Variants in CDH1 observed in about 807,000 individuals in gnomAD.
CDH1 encodes cadherin-1.
In CDH1, 35 loss-of-function variants were observed where a neutral mutation model predicts 84.5. The observed-to-expected ratio is 0.41, with a 90% CI of 0.32 to 0.55. The LOEUF is 0.55. Among genes scored for constraint, CDH1 ranks in the 20% least tolerant of loss-of-function variants. CDH1 has a pLI of 0.19. For missense variants in CDH1, 994 were observed against 1,126.6 expected, an observed-to-expected ratio of 0.88 and a Z score of 1.68; for synonymous variants, 417 against 439.0, an observed-to-expected ratio of 0.95 and a Z score of 0.63.
intron 2 of CDH1, among the ~76,000 whole-genome samples, chr16:68,743,002 G>C (rs1251321794): frequency 2.2e-4 from 34 of 152,182 alleles, no homozygotes; most frequent in Non-Finnish European, 1.5e-5. Flanking sequence ...GAAAGTCTTG[G>C]GCCCGGCAAG....
At chr16:68,823,184 C>T (rs867954401) in intron 12 of CDH1, 2 of 544,470 alleles carry the variant, frequency 3.7e-6, no homozygotes, top group Non-Finnish European at 6.5e-6. Context: ...TTTAAACCAA[C>T]TCTAGAGCCC....
intron 2 of CDH1, among the ~76,000 whole-genome samples, chr16:68,784,212 T>C (rs1959974364): frequency 6.7e-6 from 1 of 148,656 alleles, no homozygotes; most frequent in Non-Finnish European, 1.5e-5. Context: ...GATCAGAATG[T>C]TCTCTTAAAA....
chr16:68,766,619 T>C (rs1959396969), intron 2 of CDH1, among the ~76,000 whole-genome samples: 1 of 152,258 alleles, frequency 6.6e-6, no homozygotes, highest in Non-Finnish European at 1.5e-5. Flanking sequence ...GTAAACATAA[T>C]TGCTATTATT....
At chr16:68,787,825 A>ATTT (rs58676133) in intron 2 of CDH1, among the ~76,000 whole-genome samples, 11 of 102,354 alleles carry the variant, frequency 1.1e-4, no homozygotes, top group Non-Finnish European at 1.9e-4. Context: ...CGCCCGGCTA[A>ATTT]TTTTTTTTTT....
At chr16:68,803,882 T>C (rs775811680) in intron 3 of CDH1, among the ~76,000 whole-genome samples, 19 of 152,122 alleles carry the variant, frequency 1.2e-4, no homozygotes, top group Non-Finnish European at 2.2e-4. Context: ...GTGCCCAGTA[T>C]GGAGACTTGA....
chr16:68,802,571 A>G (rs557157113), intron 3 of CDH1, among the ~76,000 whole-genome samples: 13 of 151,836 alleles, frequency 8.6e-5, no homozygotes, highest in Non-Finnish European at 1.6e-4. Context: ...CCCCAGTTCA[A>G]GTGATCCTCC....
intron 2 of CDH1, among the ~76,000 whole-genome samples, chr16:68,739,286 G>T (rs967162233): frequency 1.3e-5 from 2 of 151,982 alleles, no homozygotes; most frequent in African/African-American, 4.8e-5. Flanking sequence ...GCATGGTGGC[G>T]TGTGCCTGTA....
At chr16:68,810,823 G>A (rs541846273) in intron 6 of CDH1, among the ~76,000 whole-genome samples, 14 of 151,028 alleles carry the variant, frequency 9.3e-5, no homozygotes, top group South Asian at 4.2e-4. Context: ...CTGAGATCAC[G>A]CCACTGCACT....
Position 68,737,376 on chromosome 16 carries a change from G to A in CDH1, c.-40G>A, listed in dbSNP as rs1057520910. 1.1e-5 allele frequency: 16 copies of A among 1,520,820 alleles called. No homozygotes were observed. The highest frequency in any genetic ancestry group is 1.4e-5 in the Non-Finnish European group (16 of 1,137,474). 94.2% of individuals were successfully genotyped at this position (1,520,820 alleles called of 1,614,324 possible). A position where few individuals can be genotyped will look rare whatever the true frequency, so the allele number is the denominator to read the frequency against. Reference sequence around the variant, plus strand: ...CGCTCCAGCCCGGCCCGACCCGACCGCACCCGGCGCCTGCCCTCGCTCGGC... The same window carrying A: ...CGCTCCAGCCCGGCCCGACCCGACCACACCCGGCGCCTGCCCTCGCTCGGC... On this transcript the variant is annotated 5_prime_UTR_variant, in exon 1 of 16. Coordinates refer to ENST00000261769, the MANE Select transcript of CDH1 (RefSeq NM_004360.5).
At chr16:68,762,075 G>T (rs1007467186) in intron 2 of CDH1, among the ~76,000 whole-genome samples, 4 of 152,320 alleles carry the variant, frequency 2.6e-5, no homozygotes, top group African/African-American at 7.2e-5. Context: ...GAGCACAGAG[G>T]TCTGGGCCTC....
At chr16:68,801,033 T>A (rs1960482863) in intron 2 of CDH1, among the ~76,000 whole-genome samples, 1 of 152,196 alleles carries the variant, frequency 6.6e-6, no homozygotes, top group Non-Finnish European at 1.5e-5. Context: ...TCCTTTGAGA[T>A]TCTAATGTAT....
chr16:68,789,949 G>A lies in CDH1; in HGVS notation c.164-11721G>A, dbSNP rs551159420. 3.9e-5 allele frequency among the ~76,000 whole-genome samples: 6 copies of A among 152,224 alleles called. No individual in the cohort carries two copies. The East Asian group carries it at 5.8e-4, about 15-fold the overall frequency. On this transcript the variant is annotated intron_variant, in intron 2 of 15. Transcript: ENST00000261769. ...CGCATGCCTGTAATCCCATCTACTC[G>A]GGAGGCTGAGGCAGGAGAATCACTT...
rs1346057356 is a variant in CDH1 at position 68,825,000 on chromosome 16, CTT to C, written c.2164+1376_2164+1377del. Among the ~76,000 whole-genome samples the C allele has an allele frequency of 6.6e-5, 10 of 152,272 alleles. No individual in the cohort carries two copies. In the East Asian group the frequency reaches 1.2e-3, roughly 18 times the overall value. ...CTTTGACCTGGTATGGTGGCTCACTCTTTGGGAGACCAGGGTGGGAGGATTGC... is the reference window on the plus strand; with the variant it reads ...CTTTGACCTGGTATGGTGGCTCACTCTGGGAGACCAGGGTGGGAGGATTGC... On this transcript the variant is annotated intron_variant, in intron 13 of 15. Coordinates refer to ENST00000261769, the MANE Select transcript of CDH1 (RefSeq NM_004360.5).
At chr16:68,828,859 G>T (rs1961401352) in intron 14 of CDH1, among the ~76,000 whole-genome samples, 1 of 152,082 alleles carries the variant, frequency 6.6e-6, no homozygotes, top group African/African-American at 2.4e-5. Context: ...ATCCATGGGG[G>T]TCTATTACAG....
intron 2 of CDH1, among the ~76,000 whole-genome samples, chr16:68,769,654 GTGGTGGTTCACACCTA>G (rs1326506584): frequency 6.6e-6 from 1 of 151,884 alleles, no homozygotes; most frequent in Non-Finnish European, 1.5e-5. Flanking sequence ...ATGGCTGGGA[GTGGTGGTTCACACCTA>G]TAATCCCAGC....
At chr16:68,789,174 G>A (rs957556650) in intron 2 of CDH1, among the ~76,000 whole-genome samples, 2 of 152,064 alleles carry the variant, frequency 1.3e-5, no homozygotes, top group African/African-American at 4.8e-5. Flanking sequence ...ACAGGTGCAT[G>A]CCACCATGCC....
chr16:68,770,336 G>C (rs1218593261), intron 2 of CDH1, among the ~76,000 whole-genome samples: 3 of 152,114 alleles, frequency 2.0e-5, no homozygotes, highest in Admixed American at 2.0e-4. Context: ...TCAGAGGTAA[G>C]TATTTGGGTC....
At chr16:68,794,552 C>G (rs1360352045) in intron 2 of CDH1, among the ~76,000 whole-genome samples, 1 of 151,760 alleles carries the variant, frequency 6.6e-6, no homozygotes, top group Non-Finnish European at 1.5e-5. Flanking sequence ...TGGGGTCTTA[C>G]TTTGTCACCT....
rs138318312 is a variant in CDH1 at position 68,797,032 on chromosome 16, G to C, written c.164-4638G>C. On this transcript the variant is annotated intron_variant, in intron 2 of 15. Coordinates refer to ENST00000261769, the MANE Select transcript of CDH1 (RefSeq NM_004360.5). ...TACAAAAAATACAAAAATTAGCTGGGTGTGGCAGCACATGCTTAAAATAGA... is the reference window on the plus strand; with the variant it reads ...TACAAAAAATACAAAAATTAGCTGGCTGTGGCAGCACATGCTTAAAATAGA... Among the ~76,000 whole-genome samples the C allele has an allele frequency of 6.6e-5, 10 of 152,198 alleles. No individual in the cohort carries two copies. In the East Asian group the frequency reaches 1.9e-3, roughly 29 times the overall value.
Sources: allele counts gnomAD v4.1 joint callset (sites outside exome capture counted in the v4.1 genomes callset), GRCh38; gene constraint gnomAD v4.1.1; transcripts MANE v1.5; gene names NCBI Gene and HGNC (gene_info 2026-07-23, HGNC 2026-07-21).